The following KCNMA1 variants were observed in gnomAD, a reference collection of about 807,000 sequenced individuals.
KCNMA1 encodes the protein Calcium-activated potassium channel subunit alpha-1.
In KCNMA1, 29 loss-of-function variants were observed where a neutral mutation model predicts 140.0. The ratio of observed to expected loss-of-function variants is 0.21; its 90% CI spans 0.15 to 0.28. The LOEUF (loss-of-function observed/expected upper bound fraction) is 0.28, where lower values mean the gene tolerates loss of function less well. KCNMA1 is among the 10% of genes least tolerant of loss of function. KCNMA1 has a pLI of 1.00. For synonymous variants in KCNMA1, 612 were observed against 611.9 expected (o/e 1.00, Z 0.00); for missense variants, 880 against 1,602.2 (o/e 0.55, Z 7.70).
At chr10:77,207,926 T>C (rs1340070863) in intron 3 of KCNMA1, among the ~76,000 whole-genome samples, 2 of 152,256 alleles carry the variant, frequency 1.3e-5, no homozygotes, top group African/African-American at 2.4e-5. Flanking sequence ...AAGCCAGGAA[T>C]GATGGCTCTG....
In KCNMA1 at chr10:76,886,259, T is replaced by C. The variant is rs1161737699; in HGVS notation, c.*1007A>G. The C allele has an allele frequency of 2.0e-6, 2 of 985,250 alleles. No homozygotes were observed. The highest frequency in any genetic ancestry group is 1.2e-4 in the Admixed American group (2 of 16,268). The allele number at this position is 985,250 out of a possible 1,614,324, so 61.0% of individuals were successfully genotyped here. A position where few individuals can be genotyped will look rare whatever the true frequency, so the allele number is the denominator to read the frequency against. ...AATCAAACAAAGGGGAGTAAAAAGATCCCCTGAGAATGCATGGAAAAATAC... is the reference window on the plus strand; with the variant it reads ...AATCAAACAAAGGGGAGTAAAAAGACCCCCTGAGAATGCATGGAAAAATAC... On this transcript the variant is annotated 3_prime_UTR_variant, in exon 28 of 28. Coordinates refer to ENST00000286628, the MANE Select transcript of KCNMA1 (RefSeq NM_001161352.2).
At chr10:77,150,836 A>G (rs1486031453) in intron 5 of KCNMA1, among the ~76,000 whole-genome samples, 1 of 152,218 alleles carries the variant, frequency 6.6e-6, no homozygotes, top group African/African-American at 2.4e-5. Flanking sequence ...ACACTATGTT[A>G]CCTTAGACAA....
chr10:77,155,839 A>T (rs1018349427), intron 5 of KCNMA1, among the ~76,000 whole-genome samples: 3 of 152,180 alleles, frequency 2.0e-5, no homozygotes, highest in Non-Finnish European at 2.9e-5. Flanking sequence ...AAACAATTAC[A>T]TAACTAAGAA....
Position 77,637,497 on chromosome 10 carries a change from G to A in KCNMA1, c.146C>T (p.Ser49Phe). ...GGAGGAAGAGGAGGAGGAAGAAGAA[G>A]AAGAGGAAGAGGAGGAGGAGGAGGA... Reference protein sequence around the residue: ...SSSSSSSSSSSSSSSSSSSSS... With the variant: ...SSSSSSSSSSFSSSSSSSSSS... The change falls in exon 1 of 28, where the codon TCT becomes TTT. Residue 49 changes from serine (S) to phenylalanine (F), a missense_variant. By Grantham distance (155) the Ser-to-Phe change is radical. Coordinates refer to ENST00000286628, the MANE Select transcript of KCNMA1 (RefSeq NM_001161352.2). The A allele has an allele frequency of 1.3e-6, 2 of 1,590,108 alleles. No homozygotes were observed. Among genetic ancestry groups the A allele is most frequent in the Middle Eastern group, 1.7e-4 (1 of 6,038 alleles).
chr10:77,206,971 AG>A, intron 3 of KCNMA1, among the ~76,000 whole-genome samples: 1 of 152,266 alleles, frequency 6.6e-6, no homozygotes, highest in African/African-American at 2.4e-5. Context: ...ACTCACAAAA[AG>A]GATTTTCCTC....
chr10:77,437,170 C>G (rs764090011), intron 1 of KCNMA1, among the ~76,000 whole-genome samples: 1 of 152,032 alleles, frequency 6.6e-6, no homozygotes, highest in African/African-American at 2.4e-5. Context: ...AGGGCTGCCA[C>G]GGAGCAGCAT....
chr10:77,464,844 TATG>T (rs2097953351), intron 1 of KCNMA1, among the ~76,000 whole-genome samples: 1 of 152,192 alleles, frequency 6.6e-6, no homozygotes, highest in African/African-American at 2.4e-5. Context: ...TCTGGGAGGA[TATG>T]ATATCACAAG....
At chr10:77,430,542 G>T (rs1252820996) in intron 1 of KCNMA1, among the ~76,000 whole-genome samples, 3 of 152,124 alleles carry the variant, frequency 2.0e-5, no homozygotes, top group Non-Finnish European at 2.9e-5. Flanking sequence ...ACATGTTTTG[G>T]TTTATAGGCT....
Position 77,636,708 on chromosome 10 carries a change from G to C in KCNMA1, c.378+557C>G, listed in dbSNP as rs1603639287. ...CCTCGAAGTCCCCCTGTTATCTCGG[G>C]CCATGCTCCTCCCCCGGGATTCCCT... On this transcript the variant is annotated intron_variant, in intron 1 of 27. Coordinates refer to ENST00000286628, the MANE Select transcript of KCNMA1 (RefSeq NM_001161352.2). 3 of 1,519,372 alleles carry C rather than the reference G, an allele frequency of 2.0e-6. No individual in the cohort carries two copies. In the Admixed American group the frequency reaches 6.1e-5, roughly 31 times the overall value. 94.1% of individuals were successfully genotyped at this position (1,519,372 alleles called of 1,614,324 possible).
chr10:76,974,256 C>T (rs979758767), intron 19 of KCNMA1: 26 of 488,824 alleles, frequency 5.3e-5, no homozygotes, highest in African/African-American at 3.5e-4. Context: ...ACAGGGCTTC[C>T]GACTGAAGTC....
chr10:77,491,237 G>C (rs1603629128), intron 1 of KCNMA1, among the ~76,000 whole-genome samples: 2 of 152,150 alleles, frequency 1.3e-5, no homozygotes, highest in Non-Finnish European at 2.9e-5. Context: ...GATTGGATTT[G>C]AGTGACCTGG....
At chr10:76,993,576 TCAGAA>T (rs1186451011) in intron 19 of KCNMA1, among the ~76,000 whole-genome samples, 1 of 152,208 alleles carries the variant, frequency 6.6e-6, no homozygotes. Context: ...TGAAGGCTTC[TCAGAA>T]CAGCTGGGGC....
At chr10:76,966,794 G>C (rs1310702956) in intron 20 of KCNMA1, among the ~76,000 whole-genome samples, 1 of 152,200 alleles carries the variant, frequency 6.6e-6, no homozygotes, top group African/African-American at 2.4e-5. Flanking sequence ...CTCTGCGGGT[G>C]TGGAGCCAAA....
chr10:77,631,106 CA>C (rs397944676), intron 1 of KCNMA1, among the ~76,000 whole-genome samples: 85 of 61,306 alleles, frequency 1.4e-3, no homozygotes, highest in Middle Eastern at 0.013. Flanking sequence ...GACCCTGTCC[CA>C]AAAAAAAAAA....
chr10:77,457,134 C>T (rs2097774245), intron 1 of KCNMA1, among the ~76,000 whole-genome samples: 1 of 152,186 alleles, frequency 6.6e-6, no homozygotes, highest in Non-Finnish European at 1.5e-5. Flanking sequence ...CCCAGGATGA[C>T]AGCCTCTCAC....
intron 24 of KCNMA1, chr10:76,913,471 T>C (rs1387862043): frequency 6.6e-6 from 1 of 152,330 alleles, no homozygotes; most frequent in Non-Finnish European, 1.5e-5. Flanking sequence ...GAAATCTGCC[T>C]TTAGTAAAAA....
chr10:77,292,789 G>A (rs75421077), intron 2 of KCNMA1, among the ~76,000 whole-genome samples: 3,881 of 152,284 alleles, frequency 0.025, 153 homozygotes, highest in African/African-American at 0.089. Flanking sequence ...ACCTCTACAA[G>A]CATTGAATCT....
intron 2 of KCNMA1, among the ~76,000 whole-genome samples, chr10:77,361,222 A>G (rs573000546): frequency 2.6e-5 from 4 of 152,312 alleles, no homozygotes; most frequent in Non-Finnish European, 4.4e-5. Context: ...CTTAACTACT[A>G]TTAGTGTAGT....
chr10:77,257,358 G>A (rs1240216478), intron 2 of KCNMA1, among the ~76,000 whole-genome samples: 2 of 152,100 alleles, frequency 1.3e-5, no homozygotes, highest in Non-Finnish European at 2.9e-5. Context: ...AGGGAGCATG[G>A]GATCTAGAAG....
Sources: gnomAD v4.1 joint callset for allele counts (sites outside exome capture counted in the v4.1 genomes callset) on GRCh38, gnomAD v4.1.1 for gene constraint, MANE v1.5 for transcripts, NCBI Gene and HGNC (gene_info 2026-07-23, HGNC 2026-07-21) for gene names.